The following STAG1 variants were observed in gnomAD, a reference collection of about 807,000 sequenced individuals.
STAG1 encodes the protein STAG1 cohesin complex component, also known as cohesin subunit SA-1.
In STAG1, 26 loss-of-function variants were observed where a neutral mutation model predicts 170.9. The ratio of observed to expected loss-of-function variants is 0.15; its 90% CI spans 0.11 to 0.21. STAG1 has a LOEUF of 0.21. Ranked by LOEUF, STAG1 falls within the 10% of genes least tolerant of loss-of-function variation. STAG1 has a pLI of 1.00. For missense variants in STAG1, 964 were observed against 1,509.5 expected, an observed-to-expected ratio of 0.64 and a Z score of 5.99; for synonymous variants, 514 against 497.7, an observed-to-expected ratio of 1.03 and a Z score of -0.44.
intron 1 of STAG1, among the ~76,000 whole-genome samples, chr3:136,696,184 G>A (rs1576777076): frequency 6.6e-6 from 1 of 152,298 alleles, no homozygotes; most frequent in East Asian, 1.9e-4. Flanking sequence ...GTAAGTGACA[G>A]CAGTAGGTAA....
chr3:136,582,971 T>C (rs1226962808), intron 4 of STAG1, among the ~76,000 whole-genome samples: 1 of 152,224 alleles, frequency 6.6e-6, no homozygotes, highest in Non-Finnish European at 1.5e-5. Context: ...TTTTTCTCTT[T>C]GTGCATAGAC....
At chr3:136,722,498 G>A (rs377144603) in intron 1 of STAG1, among the ~76,000 whole-genome samples, 8 of 152,120 alleles carry the variant, frequency 5.3e-5, no homozygotes, top group African/African-American at 1.9e-4. Flanking sequence ...AAGTAAGGGG[G>A]CTATAGGAGA....
chr3:136,623,228 G>C lies in STAG1; in HGVS notation c.50C>G (p.Thr17Ser), dbSNP rs754260031. 6.2e-7 allele frequency: 1 copy of C among 1,613,330 alleles called. No individual in the cohort carries two copies. Among genetic ancestry groups the C allele is most frequent in the Admixed American group, 1.7e-5 (1 of 59,934 alleles). The change falls in exon 3 of 34, where the codon ACT becomes AGT. Residue 17 changes from threonine to serine, a missense_variant. Thr to Ser is a moderately conservative substitution (Grantham distance 58). Coordinates refer to ENST00000383202, the MANE Select transcript of STAG1 (RefSeq NM_005862.3). ...PVLQDSTNET[T>S]AHSDAGSELE... ...CTCGCTGCCAGCATCGGAATGGGCA[G>C]TAGTTTCATTAGTTGAATCCCTAGA...
intron 1 of STAG1, among the ~76,000 whole-genome samples, chr3:136,674,142 G>GGAGA (rs1224501423): frequency 7.2e-5 from 4 of 55,862 alleles, no homozygotes; most frequent in African/African-American, 2.6e-4. Flanking sequence ...AGGGAAGGAA[G>GGAGA]GAGGGAGGGA....
rs1935704237 is a variant in STAG1, at chr3:136,336,971, T to TAAG, written c.*1280_*1282dup. On this transcript the variant is annotated 3_prime_UTR_variant, in exon 34 of 34. Transcript: ENST00000383202. Reference sequence around the variant, plus strand: ...AGAAATCAGAAAGGAAGAGAGAGACTAAGTGGGGTTTTTAAAACAATAGCA... The same window carrying TAAG: ...AGAAATCAGAAAGGAAGAGAGAGACTAAGAAGTGGGGTTTTTAAAACAATAGCA... 1 of 152,096 alleles carries TAAG rather than the reference T, an allele frequency of 6.6e-6. No individual in the cohort carries two copies. Among genetic ancestry groups the TAAG allele is most frequent in the Admixed American group, 6.6e-5 (1 of 15,246 alleles). The allele number at this position is 152,096 out of a possible 1,614,324, so 9.4% of individuals were successfully genotyped here.
At chr3:136,741,421 T>C (rs928177554) in intron 1 of STAG1, among the ~76,000 whole-genome samples, 1 of 152,240 alleles carries the variant, frequency 6.6e-6, no homozygotes, top group Non-Finnish European at 1.5e-5. Flanking sequence ...CATTAGCATA[T>C]GATCAATGAT....
chr3:136,525,432 G>A (rs992409324), intron 6 of STAG1, among the ~76,000 whole-genome samples: 8 of 152,094 alleles, frequency 5.3e-5, no homozygotes, highest in East Asian at 1.9e-4. Context: ...CTGTGGGATC[G>A]GTGGTGATAT....
chr3:136,522,515 T>C (rs935839992), intron 6 of STAG1, among the ~76,000 whole-genome samples: 3 of 146,986 alleles, frequency 2.0e-5, no homozygotes, highest in African/African-American at 7.3e-5. Context: ...AACCCCACTA[T>C]AGTAGAGTTC....
chr3:136,457,615 A>G (rs1281820511), intron 13 of STAG1, among the ~76,000 whole-genome samples: 5 of 152,138 alleles, frequency 3.3e-5, no homozygotes, highest in Non-Finnish European at 7.3e-5. Context: ...ACTCTGCTGG[A>G]CTTCGTAGCC....
intron 4 of STAG1, among the ~76,000 whole-genome samples, chr3:136,600,909 G>T (rs13319194): frequency 8.4e-5 from 9 of 107,054 alleles, no homozygotes; most frequent in South Asian, 3.4e-4. Context: ...TGTTTTGTTT[G>T]AGAAGAAGTC....
chr3:136,738,394 CGAA>C (rs753878576), intron 1 of STAG1, among the ~76,000 whole-genome samples: 4 of 151,984 alleles, frequency 2.6e-5, no homozygotes, highest in Admixed American at 6.6e-5. Flanking sequence ...AGGAGGCTGA[CGAA>C]GTAGAAACGC....
Position 136,646,646 on chromosome 3 carries a change from A to C in STAG1, c.-83-15665T>G, listed in dbSNP as rs531105953. ...GTTAAAAATAATATAGTTTCATAACACCTGTAATCCCAGCACTTTGAGAGG... is the reference window on the plus strand; with the variant it reads ...GTTAAAAATAATATAGTTTCATAACCCCTGTAATCCCAGCACTTTGAGAGG... On this transcript the variant is annotated intron_variant, in intron 1 of 33. Coordinates refer to ENST00000383202, the MANE Select transcript of STAG1 (RefSeq NM_005862.3). 7.2e-5 allele frequency among the ~76,000 whole-genome samples: 11 copies of C among 152,260 alleles called. No individual in the cohort carries two copies. In the South Asian group the frequency reaches 1.4e-3, roughly 20 times the overall value.
At chr3:136,722,198 G>A (rs1245879509) in intron 1 of STAG1, among the ~76,000 whole-genome samples, 1 of 152,004 alleles carries the variant, frequency 6.6e-6, no homozygotes, top group Non-Finnish European at 1.5e-5. Context: ...CTGGGCAACA[G>A]AGCAAGATCC....
At chr3:136,643,166 G>A (rs138830108) in intron 1 of STAG1, among the ~76,000 whole-genome samples, 74 of 152,238 alleles carry the variant, frequency 4.9e-4, no homozygotes, top group African/African-American at 1.6e-3. Context: ...TCACAAATAC[G>A]ACATCTCTCT....
chr3:136,444,020 A>G (rs1313154680), intron 14 of STAG1, among the ~76,000 whole-genome samples: 2 of 152,056 alleles, frequency 1.3e-5, no homozygotes, highest in Non-Finnish European at 1.5e-5. Flanking sequence ...GGTCTTCATC[A>G]AACACTTCAC....
rs770361231 is a variant in STAG1 at position 136,337,886 on chromosome 3, G to GTTTTT, written c.*363_*367dup. 1 of 177,502 alleles carries GTTTTT rather than the reference G, an allele frequency of 5.6e-6. No homozygotes were observed. The highest frequency in any genetic ancestry group is 1.5e-4 in the East Asian group (1 of 6,770). The allele number at this position is 177,502 out of a possible 1,614,324, so 11.0% of individuals were successfully genotyped here. A position where few individuals can be genotyped will look rare whatever the true frequency, so the allele number is the denominator to read the frequency against. On this transcript the variant is annotated 3_prime_UTR_variant, in exon 34 of 34. Transcript: ENST00000383202. The stretch of plus-strand genomic sequence containing the variant: ...AACAGGAAAATAAAGTTAAAAATAT[G>GTTTTT]TTTTTTTTTACTCAATGTTGAGTTT...
chr3:136,548,452 G>A (rs1483814535), intron 5 of STAG1, among the ~76,000 whole-genome samples: 3 of 152,102 alleles, frequency 2.0e-5, no homozygotes, highest in Non-Finnish European at 4.4e-5. Flanking sequence ...GTATTTTGAA[G>A]TTTGGAAGTG....
chr3:136,723,799 C>T (rs1377791291), intron 1 of STAG1, among the ~76,000 whole-genome samples: 149 of 138,834 alleles, frequency 1.1e-3, no homozygotes, highest in Non-Finnish European at 1.8e-3. Context: ...GTCAGCCCCC[C>T]GCCCGGCCAG....
intron 7 of STAG1, among the ~76,000 whole-genome samples, chr3:136,510,615 T>G (rs1934015092): frequency 6.8e-6 from 1 of 146,366 alleles, no homozygotes; most frequent in South Asian, 2.1e-4. Context: ...ATGTCTTTGT[T>G]TTTTTTTTTT....
Sources: gnomAD v4.1 joint callset for allele counts (sites outside exome capture counted in the v4.1 genomes callset) on GRCh38, gnomAD v4.1.1 for gene constraint, MANE v1.5 for transcripts, NCBI Gene and HGNC (gene_info 2026-07-23, HGNC 2026-07-21) for gene names.